The following RBMS3 variants were observed in gnomAD, a reference collection of about 807,000 sequenced individuals.
The protein encoded by RBMS3 is RNA-binding motif, single-stranded-interacting protein 3.
Under a neutral mutation model 66.8 loss-of-function variants are expected in RBMS3, and 27 were observed. The observed-to-expected ratio is 0.40, with a 90% CI of 0.30 to 0.56. The LOEUF is 0.56. Ranked by LOEUF, RBMS3 falls within the 20% of genes least tolerant of loss-of-function variation. RBMS3 has a pLI of 0.40. For synonymous variants in RBMS3, 188 were observed against 183.0 expected, an observed-to-expected ratio of 1.03 and a Z score of -0.22; for missense variants, 513 against 549.5, an observed-to-expected ratio of 0.93 and a Z score of 0.66.
intron 1 of RBMS3, among the ~76,000 whole-genome samples, chr3:29,320,503 T>C (rs2034944749): frequency 6.6e-6 from 1 of 152,004 alleles, no homozygotes; most frequent in Non-Finnish European, 1.5e-5. Context: ...ATTCATACTA[T>C]CACAGAGAAA....
At chr3:29,493,227 A>C (rs1006862443) in intron 3 of RBMS3, among the ~76,000 whole-genome samples, 1 of 152,224 alleles carries the variant, frequency 6.6e-6, no homozygotes, top group Non-Finnish European at 1.5e-5. Context: ...AAGTTAAATC[A>C]ATATAAAGGG....
intron 1 of RBMS3, among the ~76,000 whole-genome samples, chr3:29,324,457 G>A (rs999035139): frequency 6.6e-6 from 1 of 152,192 alleles, no homozygotes; most frequent in Admixed American, 6.5e-5. Flanking sequence ...TTCAAAACAC[G>A]TGGCCTCCGC....
chr3:29,485,982 A>G (rs1249135197), intron 2 of RBMS3, among the ~76,000 whole-genome samples: 1 of 152,090 alleles, frequency 6.6e-6, no homozygotes, highest in Admixed American at 6.5e-5. Flanking sequence ...AGAAATTTTT[A>G]TTTTCCTTCG....
chr3:29,773,775 G>A (rs1299155420), intron 6 of RBMS3, among the ~76,000 whole-genome samples: 1 of 152,098 alleles, frequency 6.6e-6, no homozygotes, highest in African/African-American at 2.4e-5. Flanking sequence ...TCCATAAACA[G>A]TGATTGACAG....
chr3:29,467,069 T>C (rs1034003768), intron 2 of RBMS3, among the ~76,000 whole-genome samples: 1 of 152,204 alleles, frequency 6.6e-6, no homozygotes, highest in African/African-American at 2.4e-5. Context: ...ATAATTTAAT[T>C]TGTGAAGAGT....
intron 4 of RBMS3, among the ~76,000 whole-genome samples, chr3:29,601,579 G>A (rs1035754295): frequency 1.3e-5 from 2 of 151,984 alleles, no homozygotes; most frequent in African/African-American, 4.8e-5. Flanking sequence ...TAAAGGACTT[G>A]TGTTTGCCTT....
chr3:29,388,881 A>C (rs1362306300), intron 1 of RBMS3, among the ~76,000 whole-genome samples: 1 of 152,174 alleles, frequency 6.6e-6, no homozygotes, highest in Non-Finnish European at 1.5e-5. Flanking sequence ...TTTCTGTTGC[A>C]ATGAGATACT....
chr3:29,630,462 T>C (rs9833865), intron 4 of RBMS3, among the ~76,000 whole-genome samples: 14,201 of 151,994 alleles, frequency 0.093, 1,188 homozygotes, highest in East Asian at 0.35. Context: ...CAGTGCCTAC[T>C]ACAGTGCCTG....
chr3:29,393,703 G>T (rs912993499), intron 1 of RBMS3, among the ~76,000 whole-genome samples: 2 of 152,118 alleles, frequency 1.3e-5, no homozygotes, highest in Non-Finnish European at 2.9e-5. Flanking sequence ...GACCCTAAGT[G>T]TTGAGAAGAG....
intron 3 of RBMS3, among the ~76,000 whole-genome samples, chr3:29,525,978 G>T (rs1364039289): frequency 6.6e-6 from 1 of 152,178 alleles, no homozygotes; most frequent in African/African-American, 2.4e-5. Context: ...AGCATGTAGT[G>T]TCGCTGACTC....
At position 29,715,295 on chromosome 3, in the gene RBMS3, G is replaced by A. The variant is rs182147443; in HGVS notation, c.400-24425G>A. ...TCTGTACCTAATTTGCCAGCAGCTC[G>A]GTGATATTGGTATAATATGCTTCAT... On this transcript the variant is annotated intron_variant, in intron 4 of 14. Coordinates refer to ENST00000383767, the MANE Select transcript of RBMS3 (RefSeq NM_001003793.3). Among the ~76,000 whole-genome samples, 7 of 152,160 alleles carry A rather than the reference G, an allele frequency of 4.6e-5. No homozygotes were observed. In the East Asian group the frequency reaches 5.8e-4, roughly 13 times the overall value.
chr3:29,335,177 G>C (rs1326327828), intron 1 of RBMS3, among the ~76,000 whole-genome samples: 1 of 151,736 alleles, frequency 6.6e-6, no homozygotes, highest in African/African-American at 2.4e-5. Flanking sequence ...AGATGTTTTT[G>C]TTCTTCCTAC....
intron 3 of RBMS3, among the ~76,000 whole-genome samples, chr3:29,564,678 T>C (rs1312061835): frequency 5.3e-5 from 8 of 152,066 alleles, no homozygotes; most frequent in Admixed American, 5.2e-4. Flanking sequence ...GACACTGGAG[T>C]TTGGTTTTGT....
At chr3:29,355,641 T>C (rs2037181314) in intron 1 of RBMS3, among the ~76,000 whole-genome samples, 1 of 152,088 alleles carries the variant, frequency 6.6e-6, no homozygotes, top group Non-Finnish European at 1.5e-5. Flanking sequence ...GAAAGAAATG[T>C]ATGACTTATT....
chr3:29,845,454 C>G (rs2058754441), intron 6 of RBMS3, among the ~76,000 whole-genome samples: 1 of 152,144 alleles, frequency 6.6e-6, no homozygotes, highest in Non-Finnish European at 1.5e-5. Flanking sequence ...TTTTATCTAT[C>G]AATTGGTTAA....
intron 11 of RBMS3, among the ~76,000 whole-genome samples, chr3:29,939,111 T>A (rs1023165981): frequency 2.8e-4 from 42 of 151,938 alleles, no homozygotes; most frequent in Admixed American, 2.5e-3. Context: ...TTGATATAAA[T>A]AATTTCTTTA....
chr3:29,652,571 G>A (rs2050184187), intron 4 of RBMS3, among the ~76,000 whole-genome samples: 1 of 152,036 alleles, frequency 6.6e-6, no homozygotes, highest in African/African-American at 2.4e-5. Flanking sequence ...TTTCTCACAT[G>A]CATAGAATCA....
At chr3:29,766,408 T>C (rs2055930233) in intron 6 of RBMS3, 1 of 151,938 alleles carries the variant, frequency 6.6e-6, no homozygotes, top group South Asian at 2.1e-4. Flanking sequence ...GTTAAGGAAA[T>C]TTGCAAGGAC....
At chr3:29,752,486 C>T (rs534977169) in intron 5 of RBMS3, among the ~76,000 whole-genome samples, 2 of 152,138 alleles carry the variant, frequency 1.3e-5, no homozygotes, top group Non-Finnish European at 2.9e-5. Flanking sequence ...CAGTATTTCC[C>T]TGCCTCCTGT....
Sources: gnomAD v4.1 joint callset for allele counts (sites outside exome capture counted in the v4.1 genomes callset) on GRCh38, gnomAD v4.1.1 for gene constraint, MANE v1.5 for transcripts, NCBI Gene and HGNC (gene_info 2026-07-23, HGNC 2026-07-21) for gene names.